BAZ2B: variants seen among roughly 807,000 people sequenced by gnomAD.
BAZ2B encodes the protein bromodomain adjacent to zinc finger domain 2B.
Under a neutral mutation model 246.0 loss-of-function variants are expected in BAZ2B, and 91 were observed. That is an observed-to-expected ratio of 0.37 (90% confidence interval 0.31 to 0.44). The LOEUF (loss-of-function observed/expected upper bound fraction) is 0.44, where lower values mean the gene tolerates loss of function less well. BAZ2B is among the 20% of genes least tolerant of loss of function. The pLI is 1.00. For missense variants in BAZ2B, 2,332 were observed against 2,533.7 expected (o/e 0.92, Z 1.71); for synonymous variants, 855 against 860.0 (o/e 0.99, Z 0.10).
At chr2:159,658,484 C>T in the BAZ2B span, among the ~76,000 whole-genome samples, 1 of 151,990 alleles carries the variant, frequency 6.6e-6, no homozygotes, top group Admixed American at 6.6e-5. Flanking sequence ...CAAGCGTGTA[C>T]CACCATGCCC....
chr2:159,433,154 G>A lies in BAZ2B; in HGVS notation c.1503C>T (p.Val501=). 3 of 1,614,188 alleles carry A rather than the reference G, an allele frequency of 1.9e-6. No homozygotes were observed. The highest frequency in any genetic ancestry group is 2.5e-6 in the Non-Finnish European group (3 of 1,180,016). ...TAAGTGCTAGAGGAGCTTCTTGAAT[G>A]ACACTTTGAATAACTCCATTTGGTT... ...NHQPNGVIQS[V]IQEAPLALTT... is the part of the protein sequence containing the mutation. The change falls in exon 9 of 37, where the codon GTC becomes GTT. Residue 501 remains valine (V), a synonymous_variant. Transcript: ENST00000392783.
At chr2:159,491,867 TTAAC>T (rs1457784449) in intron 2 of BAZ2B, among the ~76,000 whole-genome samples, 27 of 152,168 alleles carry the variant, frequency 1.8e-4, no homozygotes, top group African/African-American at 6.3e-4. Flanking sequence ...CTATTAATAA[TTAAC>T]TATTATAGCC....
chr2:159,341,273 T>C (rs2066664028), intron 31 of BAZ2B, among the ~76,000 whole-genome samples: 1 of 151,874 alleles, frequency 6.6e-6, no homozygotes, highest in African/African-American at 2.4e-5. Context: ...TTAAAAGCTG[T>C]AAAAAGAGAC....
intron 27 of BAZ2B, among the ~76,000 whole-genome samples, chr2:159,359,408 A>G (rs1292416707): frequency 2.6e-5 from 4 of 152,214 alleles, no homozygotes; most frequent in Non-Finnish European, 5.9e-5. Flanking sequence ...TAAATCAGGA[A>G]GAAGTCCAAT....
intron 27 of BAZ2B, among the ~76,000 whole-genome samples, chr2:159,371,055 G>A (rs977975695): frequency 2.6e-5 from 4 of 152,222 alleles, no homozygotes; most frequent in Admixed American, 1.3e-4. Context: ...TAATCTGCCC[G>A]CGTTGACCTC....
chr2:159,688,145 T>C, the BAZ2B span, among the ~76,000 whole-genome samples: 1 of 152,148 alleles, frequency 6.6e-6, no homozygotes, highest in Non-Finnish European at 1.5e-5. Context: ...ACTCAAGCAA[T>C]CCTCCTGCCT....
At chr2:159,484,028 CACCAGGGAACAT>C (rs1351676556) in intron 2 of BAZ2B, among the ~76,000 whole-genome samples, 1 of 152,150 alleles carries the variant, frequency 6.6e-6, no homozygotes, top group Non-Finnish European at 1.5e-5. Context: ...CCATCTCCCC[CACCAGGGAACAT>C]ATGGGTGACA....
intron 1 of BAZ2B, among the ~76,000 whole-genome samples, chr2:159,607,791 T>C (rs1306358041): frequency 6.6e-6 from 1 of 152,212 alleles, no homozygotes; most frequent in Non-Finnish European, 1.5e-5. Context: ...AGTTCAATGC[T>C]ACCTAAACCG....
chr2:159,684,555 G>A, the BAZ2B span, among the ~76,000 whole-genome samples: 40 of 152,320 alleles, frequency 2.6e-4, 1 homozygote, highest in Admixed American at 1.0e-3. Flanking sequence ...AGGCTGGAGT[G>A]CAGTGGTGCA....
chr2:159,572,146 G>C (rs1036786781), intron 1 of BAZ2B, among the ~76,000 whole-genome samples: 1 of 152,168 alleles, frequency 6.6e-6, no homozygotes, highest in Non-Finnish European at 1.5e-5. Context: ...CTGACTCCAA[G>C]GGGACAGAGA....
At chr2:159,415,024 T>G (rs2067442235) in intron 13 of BAZ2B, among the ~76,000 whole-genome samples, 2 of 152,112 alleles carry the variant, frequency 1.3e-5, no homozygotes, top group South Asian at 4.2e-4. Flanking sequence ...TAAAACAGTA[T>G]TGGTCAAAAT....
intron 16 of BAZ2B, among the ~76,000 whole-genome samples, 187 bp from the exon 17 acceptor site, chr2:159,400,851 T>C (rs374837062): frequency 1.3e-3 from 199 of 152,128 alleles, no homozygotes; most frequent in South Asian, 5.2e-3. Flanking sequence ...CCATCCTGGC[T>C]AACACAGTGA....
intron 1 of BAZ2B, among the ~76,000 whole-genome samples, chr2:159,570,208 A>G (rs1683642749): frequency 6.7e-6 from 1 of 149,540 alleles, no homozygotes; most frequent in Non-Finnish European, 1.5e-5. Flanking sequence ...TTCTGGAGAC[A>G]GACTCTCGCT....
At chr2:159,332,744 G>A (rs1288530926) in intron 33 of BAZ2B, 58 bp from the exon 34 acceptor site, 1 of 1,573,558 alleles carries the variant, frequency 6.4e-7, no homozygotes, top group Non-Finnish European at 8.7e-7. Flanking sequence ...ATAGTTATTG[G>A]GATGTTAAAC....
chr2:159,456,499 T>C (rs2075789335), intron 3 of BAZ2B, among the ~76,000 whole-genome samples: 1 of 152,106 alleles, frequency 6.6e-6, no homozygotes, highest in African/African-American at 2.4e-5. Context: ...AACAAAAAGT[T>C]CTTTTTTAAC....
At chr2:159,612,133 T>G (rs1694842929) in intron 1 of BAZ2B, among the ~76,000 whole-genome samples, 1 of 152,008 alleles carries the variant, frequency 6.6e-6, no homozygotes, top group South Asian at 2.1e-4. Context: ...TTTTAGATCA[T>G]AGTTTGTATG....
chr2:159,544,819 C>T (rs745607570), intron 2 of BAZ2B, among the ~76,000 whole-genome samples: 7 of 152,042 alleles, frequency 4.6e-5, no homozygotes, highest in Non-Finnish European at 2.9e-5. Flanking sequence ...GTATATTTGT[C>T]GCTAAAGGAG....
At position 159,355,045 on chromosome 2, in the gene BAZ2B, G is replaced by T. The variant is rs554070058; in HGVS notation, c.4214-4688C>A. Among the ~76,000 whole-genome samples the T allele has an allele frequency of 3.3e-5, 5 of 152,306 alleles. No individual in the cohort carries two copies. In the South Asian group the frequency reaches 1.0e-3, roughly 32 times the overall value. Reference sequence around the variant, plus strand: ...TTAATTGTTCTCACGGGATTCTGGGGGTCAATCATTCTTGCTTCCAGTGAA... The same window carrying T: ...TTAATTGTTCTCACGGGATTCTGGGTGTCAATCATTCTTGCTTCCAGTGAA... On this transcript the variant is annotated intron_variant, in intron 27 of 36. Transcript: ENST00000392783.
chr2:159,527,635 A>G (rs1291032985), intron 2 of BAZ2B, among the ~76,000 whole-genome samples: 1 of 152,220 alleles, frequency 6.6e-6, no homozygotes, highest in East Asian at 1.9e-4. Context: ...GAAGAACTGA[A>G]CAATCTTTTC....
Sources: gnomAD v4.1 joint callset for allele counts (sites outside exome capture counted in the v4.1 genomes callset) on GRCh38, gnomAD v4.1.1 for gene constraint, MANE v1.5 for transcripts, NCBI Gene and HGNC (gene_info 2026-07-23, HGNC 2026-07-21) for gene names.